Variants in NGEF observed in about 807,000 individuals in gnomAD.
NGEF encodes the protein neuronal guanine nucleotide exchange factor.
A neutral mutation model predicts 80.9 loss-of-function variants in NGEF; 31 were observed. The ratio of observed to expected loss-of-function variants is 0.38; its 90% CI spans 0.29 to 0.52. NGEF has a LOEUF of 0.52. Ranked by LOEUF, NGEF falls within the 20% of genes least tolerant of loss-of-function variation. The pLI, the probability that NGEF is intolerant of heterozygous loss-of-function variation, is 0.84. For missense variants in NGEF, 709 were observed against 926.2 expected (o/e 0.77, Z 3.04); for synonymous variants, 371 against 370.2 (o/e 1.00, Z -0.03).
chr2:232,918,950 A>G (rs930005914), intron 5 of NGEF, among the ~76,000 whole-genome samples: 1 of 152,214 alleles, frequency 6.6e-6, no homozygotes, highest in Admixed American at 6.6e-5. Context: ...TCACATCAGA[A>G]GTTTTATTAA....
At chr2:232,902,103 C>G (rs1156751233) in intron 5 of NGEF, among the ~76,000 whole-genome samples, 1 of 152,248 alleles carries the variant, frequency 6.6e-6, no homozygotes, top group Non-Finnish European at 1.5e-5. Flanking sequence ...TCCTGCCCCA[C>G]AGAGTCCTCT....
intron 1 of NGEF, among the ~76,000 whole-genome samples, chr2:232,990,571 T>C (rs566177963): frequency 1.8e-4 from 27 of 152,108 alleles, no homozygotes; most frequent in Non-Finnish European, 3.7e-4. Context: ...TTTTGAGCAA[T>C]ATAGATAATA....
rs947975287 is a variant in NGEF, at chr2:233,013,148, G to C, written c.-155C>G. On this transcript the variant is annotated 5_prime_UTR_variant, in exon 1 of 15. Coordinates refer to ENST00000264051, the MANE Select transcript of NGEF (RefSeq NM_019850.3). The stretch of plus-strand genomic sequence containing the variant: ...TCCCCTGTCCTGTCCAGGCACCTGC[G>C]AGCAGGATGGTGTGTCCCCGGCTAA... The C allele has an allele frequency of 1.1e-5, 5 of 471,102 alleles. No homozygotes were observed. The highest frequency in any genetic ancestry group is 1.0e-4 in the African/African-American group (5 of 50,048). The allele number at this position is 471,102 out of a possible 1,614,324, so 29.2% of individuals were successfully genotyped here.
At chr2:232,897,672 A>G (rs888661990) in intron 5 of NGEF, among the ~76,000 whole-genome samples, 6 of 152,150 alleles carry the variant, frequency 3.9e-5, no homozygotes, top group Non-Finnish European at 7.4e-5. Flanking sequence ...CAGACCCCGA[A>G]CCACCATCAG....
intron 1 of NGEF, among the ~76,000 whole-genome samples, chr2:233,002,623 A>G (rs934912155): frequency 1.3e-5 from 2 of 152,134 alleles, no homozygotes; most frequent in African/African-American, 4.8e-5. Context: ...GTGAGTTATG[A>G]TCACACCACT....
At chr2:232,918,282 G>A (rs1017013896) in intron 5 of NGEF, among the ~76,000 whole-genome samples, 18 of 151,978 alleles carry the variant, frequency 1.2e-4, no homozygotes, top group African/African-American at 4.1e-4. Context: ...TTGTATTTTT[G>A]TAGAGATGTG....
At chr2:232,960,765 C>T (rs1402112055) in intron 3 of NGEF, among the ~76,000 whole-genome samples, 1 of 152,122 alleles carries the variant, frequency 6.6e-6, no homozygotes, top group Non-Finnish European at 1.5e-5. Context: ...GTAATTCCTG[C>T]TACTTAGGAG....
chr2:232,940,247 A>G (rs140583106), intron 3 of NGEF, among the ~76,000 whole-genome samples: 52 of 152,394 alleles, frequency 3.4e-4, no homozygotes, highest in African/African-American at 1.3e-3. Context: ...ATTAGCACAC[A>G]ATAAGTGAAT....
At chr2:232,991,323 A>C (rs1023203067) in intron 1 of NGEF, among the ~76,000 whole-genome samples, 8 of 147,274 alleles carry the variant, frequency 5.4e-5, no homozygotes, top group Non-Finnish European at 1.1e-4. Context: ...TGTATATAGA[A>C]AATTCTAAGG....
intron 1 of NGEF, among the ~76,000 whole-genome samples, chr2:233,006,278 T>A (rs1695082158): frequency 6.6e-6 from 1 of 152,148 alleles, no homozygotes; most frequent in Admixed American, 6.5e-5. Context: ...TTTGAAAAAA[T>A]TGGAGCATCA....
intron 3 of NGEF, among the ~76,000 whole-genome samples, chr2:232,969,494 TC>T (rs1262501111): frequency 8.8e-6 from 1 of 114,244 alleles, no homozygotes; most frequent in Non-Finnish European, 1.8e-5. Flanking sequence ...CCTTCCTCCC[TC>T]CCTCCCTCCC....
At position 233,000,888 on chromosome 2, in the gene NGEF, C is replaced by A. The variant is rs114833744; in HGVS notation, c.-75+12180G>T. ...GAGACAAACATTTAGCCCATAACAA[C>A]TGGAGAAGGAATGAAGGGAACACTT... On this transcript the variant is annotated intron_variant, in intron 1 of 14. Coordinates refer to ENST00000264051, the MANE Select transcript of NGEF (RefSeq NM_019850.3). 7.5e-3 allele frequency among the ~76,000 whole-genome samples: 1,137 copies of A among 152,248 alleles called. 14 individuals are homozygous for A. Among genetic ancestry groups the A allele is most frequent in the African/African-American group, 0.025 (1,046 of 41,558 alleles).
At chr2:232,972,977 G>A (rs982547204) in intron 2 of NGEF, among the ~76,000 whole-genome samples, 3 of 151,820 alleles carry the variant, frequency 2.0e-5, no homozygotes, top group Admixed American at 6.6e-5. Flanking sequence ...GGCTGGTCTC[G>A]AACCCCTGAC....
chr2:232,938,867 G>C (rs1267845376), intron 3 of NGEF, among the ~76,000 whole-genome samples: 2 of 148,654 alleles, frequency 1.3e-5, no homozygotes, highest in Admixed American at 6.7e-5. Flanking sequence ...ATGGCCACAG[G>C]GTTCTTATAT....
chr2:232,885,130 G>A (rs1691634267), intron 10 of NGEF, 150 bp downstream of exon 10: 1 of 671,762 alleles, frequency 1.5e-6, no homozygotes. Flanking sequence ...GGTGGCTTCA[G>A]CTGGGGAGGT....
chr2:232,927,911 G>A (rs1201560315), intron 3 of NGEF: 2 of 1,321,280 alleles, frequency 1.5e-6, no homozygotes, highest in South Asian at 4.2e-5. Flanking sequence ...CAGGTGTCCC[G>A]CCGCCGAGTC....
chr2:232,900,662 T>A (rs113847910), intron 5 of NGEF, among the ~76,000 whole-genome samples: 2 of 116,190 alleles, frequency 1.7e-5, no homozygotes, highest in Admixed American at 8.8e-5. Context: ...TCACATTCAC[T>A]CACACACACA....
intron 1 of NGEF, among the ~76,000 whole-genome samples, chr2:232,997,401 C>T (rs986318553): frequency 2.6e-5 from 4 of 152,056 alleles, no homozygotes; most frequent in African/African-American, 9.7e-5. Context: ...GTGTGGAGAC[C>T]AGGGCGGGGT....
At chr2:233,012,501 G>A in intron 1 of NGEF, 1 of 217,006 alleles carries the variant, frequency 4.6e-6, no homozygotes. Flanking sequence ...GCAGTGGGCT[G>A]TCACTTCACG....
Sources: allele counts gnomAD v4.1 joint callset (sites outside exome capture counted in the v4.1 genomes callset), GRCh38; gene constraint gnomAD v4.1.1; transcripts MANE v1.5; gene names NCBI Gene and HGNC (gene_info 2026-07-23, HGNC 2026-07-21).